Variants in KCNK12 observed in about 807,000 individuals in gnomAD.
KCNK12 encodes potassium two pore domain channel subfamily K member 12, also known as potassium channel subfamily K member 12.
In KCNK12, 6 loss-of-function variants were observed where a neutral mutation model predicts 25.3. The observed-to-expected ratio is 0.24, with a 90% CI of 0.13 to 0.47. The LOEUF is 0.47. KCNK12 is among the 20% of genes least tolerant of loss of function. The pLI, the probability that KCNK12 is intolerant of heterozygous loss-of-function variation, is 0.99. For synonymous variants in KCNK12, 331 were observed against 311.1 expected (o/e 1.06, Z -0.67); for missense variants, 444 against 661.7 (o/e 0.67, Z 3.61).
intron 1 of KCNK12, among the ~76,000 whole-genome samples, chr2:47,522,631 T>G (rs1033949431): frequency 6.6e-6 from 1 of 152,220 alleles, no homozygotes; most frequent in Non-Finnish European, 1.5e-5. Context: ...TATGCCACCA[T>G]GTCCAGTGAA....
intron 1 of KCNK12, among the ~76,000 whole-genome samples, chr2:47,558,953 G>A (rs1669605799): frequency 1.3e-5 from 2 of 152,252 alleles, no homozygotes; most frequent in African/African-American, 2.4e-5. Flanking sequence ...AGAAAAGGCA[G>A]AACCACTGGA....
chr2:47,527,688 C>T (rs1558549446), intron 1 of KCNK12: 1 of 152,312 alleles, frequency 6.6e-6, no homozygotes, highest in Non-Finnish European at 1.5e-5. Flanking sequence ...AGTTGAGGAT[C>T]TGCCTTTTTC....
At chr2:47,567,203 G>T (rs1669801873) in intron 1 of KCNK12, 1 of 152,096 alleles carries the variant, frequency 6.6e-6, no homozygotes. Context: ...TTGTTCCCCT[G>T]AATTCCACAG....
Position 47,560,695 on chromosome 2 carries a change from C to G in KCNK12, c.391+9246G>C, listed in dbSNP as rs1342369056. ...TTTGCTGTCCTAGGATTTTTGGGAGCTTACTGAGTAAACACAGATAAAAAC... is the reference window on the plus strand; with the variant it reads ...TTTGCTGTCCTAGGATTTTTGGGAGGTTACTGAGTAAACACAGATAAAAAC... On this transcript the variant is annotated intron_variant, in intron 1 of 1. Transcript: ENST00000327876. The surrounding 1 kb of genome is among the most constrained non-coding windows in gnomAD (Gnocchi z 4.7). 6.6e-6 allele frequency among the ~76,000 whole-genome samples: 1 copy of G among 152,200 alleles called. No individual in the cohort carries two copies. The highest frequency in any genetic ancestry group is 1.5e-5 in the Non-Finnish European group (1 of 68,038).
rs2104723974 is a variant in KCNK12, at chr2:47,521,789, G to A, written c.411C>T (p.Pro137=). The change falls in exon 2 of 2, where the codon CCC becomes CCT. Residue 137 remains proline (P), a synonymous_variant. Coordinates refer to ENST00000327876, the MANE Select transcript of KCNK12 (RefSeq NM_022055.2). ...VSTIGFGMTT[P]ATVGGKAFLI... ...GGAAGGCCTTCCCGCCCACCGTCGC[G>A]GGGGTGGTCATGCCGAAACCTGTGG... The A allele has an allele frequency of 2.6e-6, 4 of 1,525,660 alleles. No homozygotes were observed. In the East Asian group the frequency reaches 9.2e-5, roughly 35 times the overall value. 94.5% of individuals were successfully genotyped at this position (1,525,660 alleles called of 1,614,324 possible). A position where few individuals can be genotyped will look rare whatever the true frequency, so the allele number is the denominator to read the frequency against.
In KCNK12 at chr2:47,512,376, A is replaced by T. The variant is rs752881266; in HGVS notation, c.*8531T>A. 11 of 1,612,116 alleles carry T rather than the reference A, an allele frequency of 6.8e-6. No individual in the cohort carries two copies. The South Asian group carries it at 1.2e-4, about 18-fold the overall frequency. ...TGGAAAAGGAAACTTCGTGGGGGAAAGAGATCTGCTTGCAGTCGGCCAGAG... is the reference window on the plus strand; with the variant it reads ...TGGAAAAGGAAACTTCGTGGGGGAATGAGATCTGCTTGCAGTCGGCCAGAG... On this transcript the variant is annotated 3_prime_UTR_variant, in exon 2 of 2. Coordinates refer to ENST00000327876, the MANE Select transcript of KCNK12 (RefSeq NM_022055.2).
chr2:47,565,868 GACAACATGCCAAAGGCC>G lies in KCNK12; in HGVS notation c.391+4056_391+4072del. 1 of 152,362 alleles carries G rather than the reference GACAACATGCCAAAGGCC, an allele frequency of 6.6e-6. No individual in the cohort carries two copies. Among genetic ancestry groups the G allele is most frequent in the African/African-American group, 2.4e-5 (1 of 41,578 alleles). 9.4% of individuals were successfully genotyped at this position (152,362 alleles called of 1,614,324 possible). ...AGTTCATACAATCACAGGAAGTGCA[GACAACATGCCAAAGGCC>G]ACACATGCATCTATGATGAGTGATG... On this transcript the variant is annotated intron_variant, in intron 1 of 1. Transcript: ENST00000327876. The surrounding 1 kb of genome is among the most constrained non-coding windows in gnomAD (Gnocchi z 5.0).
In KCNK12 at chr2:47,551,904, C is replaced by T. The variant is rs1669441808; in HGVS notation, c.391+18037G>A. Among the ~76,000 whole-genome samples the T allele has an allele frequency of 6.6e-6, 1 of 152,168 alleles. No homozygotes were observed. The highest frequency in any genetic ancestry group is 6.5e-5 in the Admixed American group (1 of 15,276). ...ACATTACAAGGGAGTAGAGCCAGGG[C>T]CTTGTAGATACTGGCTCATTCAATC... On this transcript the variant is annotated intron_variant, in intron 1 of 1. Transcript: ENST00000327876. This position sits in a 1 kb window ranked among gnomAD's most constrained non-coding sequence, Gnocchi z 5.3.
chr2:47,538,062 G>C lies in KCNK12; in HGVS notation c.392-16254C>G, dbSNP rs780085926. On this transcript the variant is annotated intron_variant, in intron 1 of 1. Coordinates refer to ENST00000327876, the MANE Select transcript of KCNK12 (RefSeq NM_022055.2). This position sits in a 1 kb window ranked among gnomAD's most constrained non-coding sequence, Gnocchi z 4.5. ...CCCCTGAGGAACTTCAGTATCTAAA[G>C]GGCAGAAGAGGAGTCTATGAAGGAG... Among the ~76,000 whole-genome samples, 5 of 152,184 alleles carry C rather than the reference G, an allele frequency of 3.3e-5. No individual in the cohort carries two copies. The highest frequency in any genetic ancestry group is 6.5e-5 in the Admixed American group (1 of 15,274).
chr2:47,520,810 A>G lies in KCNK12; in HGVS notation c.*97T>C. The G allele has an allele frequency of 1.1e-6, 1 of 870,466 alleles. No individual in the cohort carries two copies. Among genetic ancestry groups the G allele is most frequent in the Non-Finnish European group, 1.5e-6 (1 of 657,882 alleles). 53.9% of individuals were successfully genotyped at this position (870,466 alleles called of 1,614,324 possible). On this transcript the variant is annotated 3_prime_UTR_variant, in exon 2 of 2. Transcript: ENST00000327876. This position sits in a 1 kb window ranked among gnomAD's most constrained non-coding sequence, Gnocchi z 5.0. ...TTTTTTTTGTTTCATTTTATTGGAT[A>G]AAGATTAAGAAAGCGCCAGCAGTGA...
In KCNK12 at chr2:47,548,675, A is replaced by G. The variant is rs1669363275; in HGVS notation, c.391+21266T>C. On this transcript the variant is annotated intron_variant, in intron 1 of 1. Transcript: ENST00000327876. The surrounding 1 kb of genome is among the most constrained non-coding windows in gnomAD (Gnocchi z 4.4). The stretch of plus-strand genomic sequence containing the variant: ...CCCTCCCACCATAATCAACCAGGAA[A>G]CCGGAAAAAGTCTATGAGATAATTA... Among the ~76,000 whole-genome samples the G allele has an allele frequency of 6.6e-6, 1 of 152,220 alleles. No individual in the cohort carries two copies. Among genetic ancestry groups the G allele is most frequent in the African/African-American group, 2.4e-5 (1 of 41,452 alleles).
At position 47,551,785 on chromosome 2, in the gene KCNK12, G is replaced by A. The variant is rs1267258900; in HGVS notation, c.391+18156C>T. On this transcript the variant is annotated intron_variant, in intron 1 of 1. Coordinates refer to ENST00000327876, the MANE Select transcript of KCNK12 (RefSeq NM_022055.2). The surrounding 1 kb of genome is among the most constrained non-coding windows in gnomAD (Gnocchi z 5.3). ...ATTATTGGTTTAAGATTCAGTTCTA[G>A]CCACAGGCTGCACTGTGCATAAATC... Among the ~76,000 whole-genome samples, 1 of 152,208 alleles carries A rather than the reference G, an allele frequency of 6.6e-6. No homozygotes were observed. The highest frequency in any genetic ancestry group is 1.5e-5 in the Non-Finnish European group (1 of 68,042).
chr2:47,563,531 C>G (rs1371249096), intron 1 of KCNK12: 5 of 233,124 alleles, frequency 2.1e-5, no homozygotes, highest in Non-Finnish European at 4.2e-5. Flanking sequence ...CTCTCCTCCT[C>G]TCTGAGCCTT....
intron 1 of KCNK12, among the ~76,000 whole-genome samples, chr2:47,534,361 T>C (rs1199033283): frequency 6.6e-6 from 1 of 151,944 alleles, no homozygotes; most frequent in East Asian, 1.9e-4. Flanking sequence ...CAACCTCTCC[T>C]GGGGAGCAGC....
At chr2:47,568,170 A>G (rs1453144788) in intron 1 of KCNK12, among the ~76,000 whole-genome samples, 1 of 152,140 alleles carries the variant, frequency 6.6e-6, no homozygotes, top group African/African-American at 2.4e-5. Context: ...TGACCACCCA[A>G]TATGTGCACA....
At chr2:47,535,214 C>A (rs1054346413) in intron 1 of KCNK12, 2 of 232,934 alleles carry the variant, frequency 8.6e-6, no homozygotes, top group African/African-American at 4.4e-5. Flanking sequence ...AACAAACCCA[C>A]ACCTTTCAGC....
At chr2:47,541,026 A>T (rs1280463804) in intron 1 of KCNK12, among the ~76,000 whole-genome samples, 2 of 152,158 alleles carry the variant, frequency 1.3e-5, no homozygotes, top group Admixed American at 1.3e-4. Flanking sequence ...TCCTGAGGAC[A>T]CTTGTGACTT....
Position 47,544,819 on chromosome 2 carries a change from C to T in KCNK12, c.392-23011G>A, listed in dbSNP as rs1669277734. Among the ~76,000 whole-genome samples the T allele has an allele frequency of 2.6e-5, 4 of 152,326 alleles. No homozygotes were observed. The South Asian group carries it at 8.3e-4, about 32-fold the overall frequency. Reference sequence around the variant, plus strand: ...CACATCCTTTCTGAGGAATACTATGCATCCAACAAGAGGGATGCTTAGAAA... The same window carrying T: ...CACATCCTTTCTGAGGAATACTATGTATCCAACAAGAGGGATGCTTAGAAA... On this transcript the variant is annotated intron_variant, in intron 1 of 1. Transcript: ENST00000327876.
At chr2:47,527,335 C>T (rs1336902580) in intron 1 of KCNK12, among the ~76,000 whole-genome samples, 1 of 152,196 alleles carries the variant, frequency 6.6e-6, no homozygotes, top group Non-Finnish European at 1.5e-5. Context: ...GGGCCATGGC[C>T]TATCCCCTAA....
Sources: gnomAD v4.1 joint callset for allele counts (sites outside exome capture counted in the v4.1 genomes callset) on GRCh38, gnomAD v4.1.1 for gene constraint, Gnocchi (gnomAD v3.1) non-coding constraint, MANE v1.5 for transcripts, NCBI Gene and HGNC (gene_info 2026-07-23, HGNC 2026-07-21) for gene names.